The following LILRA1 variants were observed in gnomAD, a reference collection of about 807,000 sequenced individuals.
The protein encoded by LILRA1 is leukocyte immunoglobulin-like receptor subfamily A member 1.
In LILRA1, 51 loss-of-function variants were observed where a neutral mutation model predicts 51.6. That is an observed-to-expected ratio of 0.99 (90% CI 0.79 to 1.25). The LOEUF (loss-of-function observed/expected upper bound fraction) is 1.25. Ranked by LOEUF, LILRA1 falls within the 50% of genes most tolerant of loss-of-function variation. The pLI, the probability that LILRA1 is intolerant of heterozygous loss-of-function variation, is 0.00. For synonymous variants in LILRA1, 305 were observed against 248.4 expected (o/e 1.23, Z -2.14); for missense variants, 660 against 611.7 (o/e 1.08, Z -0.83).
At chr19:54,597,919 C>G (rs1264715307) in intron 7 of LILRA1, among the ~76,000 whole-genome samples, 2 of 151,514 alleles carry the variant, frequency 1.3e-5, no homozygotes, top group Non-Finnish European at 2.9e-5. Context: ...GCCCTGAGCC[C>G]AAGCCCACCA....
At chr19:54,594,402 G>C (rs772588461) in intron 2 of LILRA1, 39 bp from the exon 3 acceptor site, 1 of 1,614,212 alleles carries the variant, frequency 6.2e-7, no homozygotes, top group Non-Finnish European at 8.5e-7. Flanking sequence ...ACCTGCCCAG[G>C]CTTCAGGGGC....
chr19:54,597,388 C>T (rs1419909316), intron 7 of LILRA1, among the ~76,000 whole-genome samples: 1 of 152,080 alleles, frequency 6.6e-6, no homozygotes, highest in Non-Finnish European at 1.5e-5. Context: ...CGGGGTCTTT[C>T]CCCCTCCCCG....
At chr19:54,595,047 G>A in intron 4 of LILRA1, 53 bp from the exon 5 acceptor site, 1 of 1,601,134 alleles carries the variant, frequency 6.2e-7, no homozygotes, top group Non-Finnish European at 8.5e-7. Flanking sequence ...CAGCCCTGGG[G>A]ATGAAGTGGG....
Position 54,600,560 on chromosome 19 carries a change from G to A in LILRA1, c.1351+10G>A, listed in dbSNP as rs199918271. The A allele has an allele frequency of 6.8e-6, 11 of 1,614,098 alleles. No individual in the cohort carries two copies. ...TCACAAAACAAGACTGGTGAGTGAGGAGATGCTCTCGTTTACGGTGCTGGG... is the reference window on the plus strand; with the variant it reads ...TCACAAAACAAGACTGGTGAGTGAGAAGATGCTCTCGTTTACGGTGCTGGG... On this transcript the variant is annotated intron_variant, in intron 9 of 9. Coordinates refer to ENST00000251372, the MANE Select transcript of LILRA1 (RefSeq NM_006863.4).
In LILRA1 at chr19:54,600,873, G is replaced by C. The variant is rs540007078; in HGVS notation, c.*56G>C. ...AGAATGTACCCTTCAGAGTGGTGGA[G>C]CCTTGGGAACAGATCTGATGATGCC... On this transcript the variant is annotated 3_prime_UTR_variant, in exon 10 of 10. Coordinates refer to ENST00000251372, the MANE Select transcript of LILRA1 (RefSeq NM_006863.4). 12 of 1,594,626 alleles carry C rather than the reference G, an allele frequency of 7.5e-6. No individual in the cohort carries two copies. The African/African-American group carries it at 1.1e-4, about 14-fold the overall frequency.
rs76334906 is a variant in LILRA1, at chr19:54,600,480, T to C, written c.1313-32T>C. The C allele has an allele frequency of 8.7e-4, 1,397 of 1,612,692 alleles. 29 individuals carry two copies. The Admixed American group carries it at 0.02, about 23-fold the overall frequency. Reference sequence around the variant, plus strand: ...TGCAGAGCCCAGGGGAGAGGCTGGCTCAGGGCTCTTCCCCTCTGTTTTTAT... The same window carrying C: ...TGCAGAGCCCAGGGGAGAGGCTGGCCCAGGGCTCTTCCCCTCTGTTTTTAT... On this transcript the variant is annotated intron_variant, in intron 8 of 9. Coordinates refer to ENST00000251372, the MANE Select transcript of LILRA1 (RefSeq NM_006863.4).
rs1440451661 is a variant in LILRA1 at position 54,601,289 on chromosome 19, G to A, written c.*472G>A. 1.6e-5 allele frequency: 3 copies of A among 182,610 alleles called. No homozygotes were observed. Among genetic ancestry groups the A allele is most frequent in the Non-Finnish European group, 3.5e-5 (3 of 86,688 alleles). 11.3% of individuals were successfully genotyped at this position (182,610 alleles called of 1,614,324 possible). ...TAACTAAATCAATGGGAGAGTATCG[G>A]ATTTCAACCAGGAAAAGATAAATCC... On this transcript the variant is annotated 3_prime_UTR_variant, in exon 10 of 10. Transcript: ENST00000251372.
chr19:54,598,791 A>G (rs1328681140), intron 7 of LILRA1, among the ~76,000 whole-genome samples: 1 of 151,778 alleles, frequency 6.6e-6, no homozygotes, highest in African/African-American at 2.4e-5. Context: ...TAGAACGAAT[A>G]TAATTAAAAA....
At chr19:54,593,931 T>G (rs2062961629) in intron 1 of LILRA1, 150 bp downstream of exon 1, 2 of 565,580 alleles carry the variant, frequency 3.5e-6, no homozygotes, top group Non-Finnish European at 3.3e-6. Flanking sequence ...CTACATCCCG[T>G]CTCTCAGTGA....
At chr19:54,596,551 A>T (rs1402876985) in intron 7 of LILRA1, 60 bp downstream of exon 7, 1 of 1,603,164 alleles carries the variant, frequency 6.2e-7, no homozygotes, top group Admixed American at 1.7e-5. Flanking sequence ...CCTGCCCCCC[A>T]GGAGAGCTCT....
chr19:54,600,145 G>T (rs1172279350), intron 8 of LILRA1, among the ~76,000 whole-genome samples: 1 of 152,118 alleles, frequency 6.6e-6, no homozygotes, highest in African/African-American at 2.4e-5. Flanking sequence ...CATGCATGGA[G>T]CCTGGGTCCT....
Position 54,600,419 on chromosome 19 carries a change from A to G in LILRA1, c.1313-93A>G, listed in dbSNP as rs1232801858. ...GGAAGGGTTTATTGAGGAACTCCCTAGAACTCATGTCAGAAGACATAGGGG... is the reference window on the plus strand; with the variant it reads ...GGAAGGGTTTATTGAGGAACTCCCTGGAACTCATGTCAGAAGACATAGGGG... On this transcript the variant is annotated intron_variant, in intron 8 of 9. Coordinates refer to ENST00000251372, the MANE Select transcript of LILRA1 (RefSeq NM_006863.4). 4 of 1,278,244 alleles carry G rather than the reference A, an allele frequency of 3.1e-6. No individual in the cohort carries two copies. The African/African-American group carries it at 4.4e-5, about 14-fold the overall frequency. 79.2% of individuals were successfully genotyped at this position (1,278,244 alleles called of 1,614,324 possible).
chr19:54,594,600 G>T lies in LILRA1; in HGVS notation c.71-65G>T, dbSNP rs2062982305. On this transcript the variant is annotated intron_variant, in intron 3 of 9. Coordinates refer to ENST00000251372, the MANE Select transcript of LILRA1 (RefSeq NM_006863.4). ...CTGATGGGGGCATCTGGAGGGTCCT[G>T]GGCTGAGAGCTGAGATATGTTGGGT... The T allele has an allele frequency of 4.7e-6, 7 of 1,474,122 alleles. No individual in the cohort carries two copies. The Admixed American group carries it at 8.8e-5, about 19-fold the overall frequency. The allele number at this position is 1,474,122 out of a possible 1,614,324, so 91.3% of individuals were successfully genotyped here.
rs540020795 is a variant in LILRA1 at position 54,596,221 on chromosome 19, C to T, written c.991C>T (p.His331Tyr). The change falls in exon 7 of 10, where the codon CAT (histidine) becomes TAT (tyrosine). Residue 331 changes from histidine (H) to tyrosine (Y), a missense_variant. Transcript: ENST00000251372. ...QFRGRPFISVHPGPTVASGEN... is the reference protein window; with the variant it reads ...QFRGRPFISVYPGPTVASGEN... ...CCGTGGCAGACCCTTCATCTCGGTG[C>T]ATCCGGGCCCCACGGTGGCCTCAGG... is the stretch of plus-strand genomic sequence containing the variant. 6.9e-5 allele frequency: 112 copies of T among 1,613,972 alleles called. No homozygotes were observed. In the East Asian group the frequency reaches 8.5e-4, roughly 12 times the overall value.
At chr19:54,600,130 C>T (rs1241622011) in intron 8 of LILRA1, among the ~76,000 whole-genome samples, 1 of 152,148 alleles carries the variant, frequency 6.6e-6, no homozygotes, top group African/African-American at 2.4e-5. Context: ...TGCAGACCAA[C>T]CTCCCATGCA....
chr19:54,594,854 C>T lies in LILRA1; in HGVS notation c.260C>T (p.Ser87Phe). Residue 87 changes from serine (S) to phenylalanine (F), a missense_variant, in exon 4 of 10, where the codon TCC (serine) becomes TTC (phenylalanine). By Grantham distance (155) the Ser-to-Phe change is radical. Coordinates refer to ENST00000251372, the MANE Select transcript of LILRA1 (RefSeq NM_006863.4). ...AAGAAGGGCCAGTTCCCCATCCCAT[C>T]CATCACCTGGGAACACACAGGGCGG... ...IVKKGQFPIPSITWEHTGRYR... is the reference protein window; with the variant it reads ...IVKKGQFPIPFITWEHTGRYR... 6.2e-7 allele frequency: 1 copy of T among 1,614,146 alleles called. No individual in the cohort carries two copies. Among genetic ancestry groups the T allele is most frequent in the Non-Finnish European group, 8.5e-7 (1 of 1,180,008 alleles).
rs1399203487 is a variant in LILRA1 at position 54,602,373 on chromosome 19, T to C, written c.*1556T>C. Reference sequence around the variant, plus strand: ...TACCCTCTAGAATAAAGAAATCTTATTAAGGACATTTTCAAAGCCTTAACA... The same window carrying C: ...TACCCTCTAGAATAAAGAAATCTTACTAAGGACATTTTCAAAGCCTTAACA... On this transcript the variant is annotated 3_prime_UTR_variant, in exon 10 of 10. Coordinates refer to ENST00000251372, the MANE Select transcript of LILRA1 (RefSeq NM_006863.4). 6.6e-6 allele frequency among the ~76,000 whole-genome samples: 1 copy of C among 152,238 alleles called. No homozygotes were observed. Among genetic ancestry groups the C allele is most frequent in the African/African-American group, 2.4e-5 (1 of 41,452 alleles).
Position 54,601,784 on chromosome 19 carries a change from A to G in LILRA1, c.*967A>G, listed in dbSNP as rs2047050983. On this transcript the variant is annotated 3_prime_UTR_variant, in exon 10 of 10. Coordinates refer to ENST00000251372, the MANE Select transcript of LILRA1 (RefSeq NM_006863.4). ...TACTCACCTAGGACAGTCAGGCAGA[A>G]GTATGCAAAATGACTGGGGCTGATT... 6.6e-6 allele frequency: 1 copy of G among 152,256 alleles called. No individual in the cohort carries two copies. The highest frequency in any genetic ancestry group is 2.4e-5 in the African/African-American group (1 of 41,462). The allele number at this position is 152,256 out of a possible 1,614,324, so 9.4% of individuals were successfully genotyped here.
chr19:54,595,307 C>G lies in LILRA1; in HGVS notation c.566C>G (p.Pro189Arg). Reference protein sequence around the residue: ...RAIFSVGPVSPSRRWSYRCYA... With the variant: ...RAIFSVGPVSRSRRWSYRCYA... ...ATCTTCTCTGTGGGCCCCGTGAGCC[C>G]GAGTCGCAGGTGGTCGTACAGGTGC... The change falls in exon 5 of 10, where the codon CCG (proline) becomes CGG (arginine). Residue 189 changes from proline (P) to arginine (R), a missense_variant. Coordinates refer to ENST00000251372, the MANE Select transcript of LILRA1 (RefSeq NM_006863.4). 1 of 1,614,076 alleles carries G rather than the reference C, an allele frequency of 6.2e-7. No homozygotes were observed. Among genetic ancestry groups the G allele is most frequent in the East Asian group, 2.2e-5 (1 of 44,884 alleles).
Sources: allele counts gnomAD v4.1 joint callset (sites outside exome capture counted in the v4.1 genomes callset), GRCh38; gene constraint gnomAD v4.1.1; transcripts MANE v1.5; gene names NCBI Gene and HGNC (gene_info 2026-07-23, HGNC 2026-07-21).